Variants in GDPD4 observed in about 807,000 individuals in gnomAD.
The protein encoded by GDPD4 is glycerophosphodiester phosphodiesterase domain containing 4.
A neutral mutation model predicts 67.8 loss-of-function variants in GDPD4; 60 were observed. The ratio of observed to expected loss-of-function variants is 0.88; its 90% CI spans 0.72 to 1.10. GDPD4 has a LOEUF of 1.10. Among genes scored for constraint, GDPD4 ranks in the 50% least tolerant of loss-of-function variants. GDPD4 has a pLI of 0.00. For synonymous variants in GDPD4, 212 were observed against 210.9 expected (o/e 1.00, Z -0.04); for missense variants, 623 against 613.9 (o/e 1.01, Z -0.16).
chr11:77,223,999 C>G (rs1406001962), intron 16 of GDPD4, among the ~76,000 whole-genome samples: 1 of 152,214 alleles, frequency 6.6e-6, no homozygotes, highest in African/African-American at 2.4e-5. Flanking sequence ...ACCTGCTGAA[C>G]CAGGCAGGGA....
intron 16 of GDPD4, among the ~76,000 whole-genome samples, chr11:77,220,530 C>G (rs975363823): frequency 1.3e-5 from 2 of 152,170 alleles, no homozygotes; most frequent in African/African-American, 4.8e-5. Flanking sequence ...TATGTTGAAC[C>G]AGCCTTGCAT....
intron 13 of GDPD4, among the ~76,000 whole-genome samples, chr11:77,240,650 A>C (rs1958645081): frequency 6.6e-6 from 1 of 152,218 alleles, no homozygotes; most frequent in Non-Finnish European, 1.5e-5. Flanking sequence ...CATCAAACCA[A>C]AAAGTGTCTG....
At chr11:77,243,628 A>T in intron 13 of GDPD4, 66 bp downstream of exon 13, 1 of 1,324,774 alleles carries the variant, frequency 7.5e-7, no homozygotes, top group Non-Finnish European at 1.1e-6. Context: ...TAAGAAGTTT[A>T]ATTAGAATGT....
intron 10 of GDPD4, among the ~76,000 whole-genome samples, chr11:77,265,457 G>C (rs1034842571): frequency 3.9e-5 from 6 of 152,034 alleles, no homozygotes; most frequent in African/African-American, 1.4e-4. Flanking sequence ...GAAAGCTAAC[G>C]CAATTCTTTT....
At chr11:77,249,435 C>T (rs895971712) in intron 11 of GDPD4, among the ~76,000 whole-genome samples, 7 of 152,094 alleles carry the variant, frequency 4.6e-5, no homozygotes, top group Non-Finnish European at 8.8e-5. Flanking sequence ...AAATAGACTT[C>T]TGGTTTCTGG....
intron 3 of GDPD4, among the ~76,000 whole-genome samples, chr11:77,282,708 C>CAA (rs986602008): frequency 4.2e-5 from 6 of 144,070 alleles, no homozygotes; most frequent in African/African-American, 1.5e-4. Flanking sequence ...ACAACAACAA[C>CAA]AAAAAAAAAA....
intron 3 of GDPD4, 48 bp downstream of exon 3, chr11:77,285,037 A>G: frequency 1.5e-6 from 2 of 1,376,186 alleles, no homozygotes; most frequent in African/African-American, 2.9e-5. Flanking sequence ...GGTGGCTATC[A>G]GACCAAAATA....
At chr11:77,245,827 A>C (rs1048971211) in intron 11 of GDPD4, among the ~76,000 whole-genome samples, 6 of 152,154 alleles carry the variant, frequency 3.9e-5, no homozygotes, top group African/African-American at 1.4e-4. Flanking sequence ...GGCTTCCTAC[A>C]TGGGCTCCCG....
intron 16 of GDPD4, among the ~76,000 whole-genome samples, chr11:77,223,233 C>T (rs1316965020): frequency 6.6e-6 from 1 of 152,184 alleles, no homozygotes; most frequent in Admixed American, 6.5e-5. Context: ...TTGTCAAAGT[C>T]ATTCTCCATC....
intron 10 of GDPD4, among the ~76,000 whole-genome samples, chr11:77,260,087 G>A (rs1287925898): frequency 6.6e-6 from 1 of 152,054 alleles, no homozygotes. Context: ...TTGGTGGGCG[G>A]ATCATGAGGT....
At chr11:77,220,101 CTT>C (rs1958198378) in intron 16 of GDPD4, among the ~76,000 whole-genome samples, 2 of 152,076 alleles carry the variant, frequency 1.3e-5, no homozygotes, top group Non-Finnish European at 2.9e-5. Context: ...CTTAAGGAGA[CTT>C]TGGGCTGAGA....
intron 1 of GDPD4, among the ~76,000 whole-genome samples, chr11:77,299,632 T>G (rs544297096): frequency 6.6e-6 from 1 of 152,220 alleles, no homozygotes; most frequent in Non-Finnish European, 1.5e-5. Flanking sequence ...CTTTCCTTCA[T>G]GTGTCACTCA....
chr11:77,245,621 A>G (rs748630571), intron 11 of GDPD4, 119 bp from the exon 12 acceptor site: 14 of 644,400 alleles, frequency 2.2e-5, no homozygotes, highest in Non-Finnish European at 3.5e-5. Flanking sequence ...GGCCCTCTGA[A>G]GTACTAATCC....
intron 10 of GDPD4, among the ~76,000 whole-genome samples, chr11:77,264,136 T>C (rs1220677519): frequency 1.3e-5 from 2 of 152,172 alleles, no homozygotes; most frequent in Non-Finnish European, 1.5e-5. Context: ...CTGGGAATAA[T>C]AGCAGCCAAA....
chr11:77,282,551 G>T (rs565749724), intron 3 of GDPD4, among the ~76,000 whole-genome samples: 53 of 152,138 alleles, frequency 3.5e-4, no homozygotes, highest in African/African-American at 1.2e-3. Context: ...CTACTTGGGA[G>T]GCTGAAGTGG....
chr11:77,296,321 ATTAAT>A (rs1937959711), intron 1 of GDPD4, among the ~76,000 whole-genome samples: 1 of 134,524 alleles, frequency 7.4e-6, no homozygotes, highest in African/African-American at 2.7e-5. Flanking sequence ...TATTTTTTTA[ATTAAT>A]TTTTTTTTTT....
At chr11:77,278,119 G>A (rs1336447239) in intron 4 of GDPD4, among the ~76,000 whole-genome samples, 1 of 152,086 alleles carries the variant, frequency 6.6e-6, no homozygotes, top group Non-Finnish European at 1.5e-5. Context: ...TATCATTTCT[G>A]TTCTTTTACA....
intron 13 of GDPD4, among the ~76,000 whole-genome samples, chr11:77,235,009 G>GGTTTTTTTTTTTTTTTTTTTTTT (rs1958524240): frequency 1.9e-5 from 1 of 52,254 alleles, no homozygotes; most frequent in Non-Finnish European, 3.7e-5. Flanking sequence ...GTCAATATCT[G>GGTTTTTTTTTTTTTTTTTTTTTT]TTTTTTTTTT....
intron 5 of GDPD4, among the ~76,000 whole-genome samples, chr11:77,271,607 C>G (rs1397024488): frequency 6.6e-6 from 1 of 152,212 alleles, no homozygotes; most frequent in Non-Finnish European, 1.5e-5. Context: ...TAAGTCTTTG[C>G]TGTACAGCAT....
Sources: allele counts gnomAD v4.1 joint callset (sites outside exome capture counted in the v4.1 genomes callset), GRCh38; gene constraint gnomAD v4.1.1; transcripts MANE v1.5; gene names NCBI Gene and HGNC (gene_info 2026-07-23, HGNC 2026-07-21).